The following MALRD1 variants were observed in gnomAD, a reference collection of about 807,000 sequenced individuals.
The protein encoded by MALRD1 is MAM and LDL receptor class A domain containing 1, also known as MAM and LDL-receptor class A domain-containing protein 1.
MALRD1 carries 247 observed loss-of-function variants against 242.1 expected under a neutral mutation model. That is an observed-to-expected ratio of 1.02 (90% CI 0.92 to 1.13). The LOEUF (loss-of-function observed/expected upper bound fraction) is 1.13, where lower values mean the gene tolerates loss of function less well. Ranked by LOEUF, MALRD1 falls within the 50% of genes most tolerant of loss-of-function variation. The probability of loss-of-function intolerance (pLI) is 0.00; values close to 1 mark genes in which losing one functional copy is unlikely to be tolerated. For missense variants in MALRD1, 2,989 were observed against 2,533.1 expected (o/e 1.18, Z -3.86); for synonymous variants, 995 against 866.6 (o/e 1.15, Z -2.60).
chr10:19,358,632 G>T (rs1009607783), intron 26 of MALRD1, among the ~76,000 whole-genome samples: 1 of 152,056 alleles, frequency 6.6e-6, no homozygotes, highest in African/African-American at 2.4e-5. Flanking sequence ...CTATCTTTAC[G>T]TTCTGTACCA....
At chr10:19,181,508 CAGATAT>C (rs1242295073) in intron 14 of MALRD1, among the ~76,000 whole-genome samples, 1 of 151,948 alleles carries the variant, frequency 6.6e-6, no homozygotes, top group East Asian at 1.9e-4. Flanking sequence ...AAATTATATA[CAGATAT>C]AGAGAATGAA....
intron 36 of MALRD1, among the ~76,000 whole-genome samples, chr10:19,621,351 T>A (rs372849601): frequency 1.2e-3 from 149 of 121,726 alleles, no homozygotes; most frequent in African/African-American, 1.4e-3. Flanking sequence ...TAAAAATATG[T>A]AAAAAAAAAA....
At chr10:19,202,062 C>T (rs924262201) in intron 14 of MALRD1, among the ~76,000 whole-genome samples, 1 of 152,058 alleles carries the variant, frequency 6.6e-6, no homozygotes, top group Non-Finnish European at 1.5e-5. Flanking sequence ...GATCAGACTG[C>T]CTAGGCCTCC....
At chr10:19,594,113 C>T (rs183878144) in intron 33 of MALRD1, among the ~76,000 whole-genome samples, 23 of 152,298 alleles carry the variant, frequency 1.5e-4, no homozygotes, top group African/African-American at 5.1e-4. Context: ...GATATTGTAA[C>T]AGTTCCCTTA....
At chr10:19,149,526 TA>T (rs754790081) in intron 11 of MALRD1, among the ~76,000 whole-genome samples, 3 of 152,166 alleles carry the variant, frequency 2.0e-5, no homozygotes, top group Non-Finnish European at 2.9e-5. Flanking sequence ...GATATATATA[TA>T]GTAGATACAT....
intron 21 of MALRD1, among the ~76,000 whole-genome samples, chr10:19,295,462 G>GGT (rs10685643): frequency 0.018 from 2,679 of 148,738 alleles, 51 homozygotes; most frequent in African/African-American, 0.048. Context: ...GTATGTTTTG[G>GGT]GTGTGTGTGT....
Position 19,389,605 on chromosome 10 carries a change from T to G in MALRD1, c.4841T>G (p.Ile1614Ser). The change falls in exon 28 of 40, where the codon ATC (isoleucine) becomes AGC (serine). Residue 1614 changes from isoleucine (I) to serine (S), a missense_variant. By Grantham distance (142) the Ile-to-Ser change is moderately radical (BLOSUM62 -2). Coordinates refer to ENST00000454679, the MANE Select transcript of MALRD1 (RefSeq NM_001142308.3). ...GCCACAGGATCCATTCAGATTCTCA[T>G]CAAGGTAGGAACATGGCCTGTGATG... ...AKATGSIQIL[I>S]KTEKGLSKVW... The G allele has an allele frequency of 2.6e-6, 4 of 1,549,826 alleles. No individual in the cohort carries two copies. Among genetic ancestry groups the G allele is most frequent in the Non-Finnish European group, 3.5e-6 (4 of 1,146,578 alleles).
At chr10:19,638,101 CAAA>C (rs56865342) in intron 36 of MALRD1, among the ~76,000 whole-genome samples, 8 of 41,920 alleles carry the variant, frequency 1.9e-4, no homozygotes, top group African/African-American at 4.3e-4. Flanking sequence ...AACTCACTCT[CAAA>C]AAAAAAAAAA....
In MALRD1 at chr10:19,136,558, C is replaced by A. The variant is rs534758149; in HGVS notation, c.1204-16C>A. On this transcript the variant is annotated splice_polypyrimidine_tract_variant and intron_variant, in intron 9 of 39. Transcript: ENST00000454679. ...GGAGATTGCAAACTCATAAATTAAT[C>A]TTTTCCTTCCTAAAGATTATTTTTG... The A allele has an allele frequency of 1.2e-4, 141 of 1,215,440 alleles. No homozygotes were observed. Among genetic ancestry groups the A allele is most frequent in the African/African-American group, 1.1e-3 (68 of 64,234 alleles). The allele number at this position is 1,215,440 out of a possible 1,614,324, so 75.3% of individuals were successfully genotyped here. A position where few individuals can be genotyped will look rare whatever the true frequency, so the allele number is the denominator to read the frequency against.
chr10:19,175,232 T>C lies in MALRD1; in HGVS notation c.1855T>C (p.Ser619Pro). The C allele has an allele frequency of 8.1e-7, 1 of 1,230,160 alleles. No individual in the cohort carries two copies. Among genetic ancestry groups the C allele is most frequent in the African/African-American group, 1.6e-5 (1 of 64,480 alleles). The allele number at this position is 1,230,160 out of a possible 1,614,324, so 76.2% of individuals were successfully genotyped here. The change falls in exon 14 of 40, where the codon TCG (serine) becomes CCG (proline). Residue 619 changes from serine to proline, a missense_variant. Transcript: ENST00000454679. ...GTTAATTTTGGAAGCTACTGTTTTG[T>C]CGTCAAATGCTACCGTTGCTCTAGA... ...FQLILEATVL[S>P]SNATVALDDI...
chr10:19,550,254 A>G (rs1268802964), intron 32 of MALRD1, among the ~76,000 whole-genome samples: 1 of 152,082 alleles, frequency 6.6e-6, no homozygotes, highest in Admixed American at 6.6e-5. Flanking sequence ...TACATTCTTT[A>G]CAACATGTCC....
chr10:19,401,864 G>A (rs928290323), intron 28 of MALRD1, among the ~76,000 whole-genome samples: 3 of 152,112 alleles, frequency 2.0e-5, no homozygotes, highest in Non-Finnish European at 4.4e-5. Context: ...CCAACATTTT[G>A]TAGCATTTGT....
chr10:19,352,187 T>A lies in MALRD1; in HGVS notation c.4331T>A (p.Val1444Asp), dbSNP rs149425848. The change falls in exon 26 of 40, where the codon GTT becomes GAT. Residue 1444 changes from valine (V) to aspartate (D), a missense_variant. Transcript: ENST00000454679. ...TTCCAACTCAAATTTGAAGGTAGAG[T>A]TGGGAAAGGTCAGCGTGGAGACATT... ...EDFQLKFEGR[V>D]GKGQRGDIAL... 2 of 1,550,382 alleles carry A rather than the reference T, an allele frequency of 1.3e-6. No individual in the cohort carries two copies. Among genetic ancestry groups the A allele is most frequent in the Non-Finnish European group, 8.7e-7 (1 of 1,146,900 alleles).
chr10:19,159,632 A>C (rs111379095), intron 12 of MALRD1, among the ~76,000 whole-genome samples: 2 of 152,126 alleles, frequency 1.3e-5, no homozygotes, highest in African/African-American at 2.4e-5. Flanking sequence ...GGAGATGATC[A>C]AAATTAAAAA....
chr10:19,171,425 TA>T (rs1834920986), intron 13 of MALRD1, among the ~76,000 whole-genome samples: 1 of 91,238 alleles, frequency 1.1e-5, no homozygotes, highest in East Asian at 5.5e-4. Flanking sequence ...TTATATTTTA[TA>T]TACATATATA....
intron 32 of MALRD1, among the ~76,000 whole-genome samples, chr10:19,536,337 T>A (rs970193385): frequency 9.9e-5 from 11 of 111,460 alleles, no homozygotes; most frequent in East Asian, 8.2e-4. Context: ...GCCAGAAAAA[T>A]TTTTTTTCTT....
At chr10:19,718,007 A>T (rs933712056) in intron 38 of MALRD1, among the ~76,000 whole-genome samples, 2 of 150,714 alleles carry the variant, frequency 1.3e-5, no homozygotes, top group East Asian at 3.9e-4. Context: ...TACCTAAATA[A>T]ATAAATAAAT....
chr10:19,168,458 T>C (rs117826205), intron 13 of MALRD1, among the ~76,000 whole-genome samples: 2,594 of 152,346 alleles, frequency 0.017, 39 homozygotes, highest in Non-Finnish European at 0.028. Context: ...AGAATGTCCT[T>C]TCTAGCAGTA....
At chr10:19,621,561 G>A (rs978787542) in intron 36 of MALRD1, among the ~76,000 whole-genome samples, 1 of 151,518 alleles carries the variant, frequency 6.6e-6, no homozygotes, top group African/African-American at 2.4e-5. Context: ...ATAAAATAAG[G>A]AGAATCAAAG....
Sources: gnomAD v4.1 joint callset for allele counts (sites outside exome capture counted in the v4.1 genomes callset) on GRCh38, gnomAD v4.1.1 for gene constraint, MANE v1.5 for transcripts, NCBI Gene and HGNC (gene_info 2026-07-23, HGNC 2026-07-21) for gene names.